Variants in ARHGAP15 observed in about 807,000 individuals in gnomAD.
ARHGAP15 encodes the protein rho GTPase-activating protein 15.
A neutral mutation model predicts 63.7 loss-of-function variants in ARHGAP15; 51 were observed. That is an observed-to-expected ratio of 0.80 (90% CI 0.64 to 1.01). The LOEUF is 1.01. Among genes scored for constraint, ARHGAP15 ranks in the 50% least tolerant of loss-of-function variants. The pLI is 0.00. For synonymous variants in ARHGAP15, 191 were observed against 193.8 expected, an observed-to-expected ratio of 0.99 and a Z score of 0.12; for missense variants, 560 against 564.6, an observed-to-expected ratio of 0.99 and a Z score of 0.08.
intron 3 of ARHGAP15, among the ~76,000 whole-genome samples, chr2:143,210,950 T>C (rs549326009): frequency 5.9e-5 from 9 of 151,428 alleles, no homozygotes; most frequent in African/African-American, 1.9e-4. Flanking sequence ...AACATCATAC[T>C]GAATCTATGT....
At chr2:143,293,727 C>T (rs1007359585) in intron 6 of ARHGAP15, among the ~76,000 whole-genome samples, 15 of 151,790 alleles carry the variant, frequency 9.9e-5, no homozygotes, top group Non-Finnish European at 7.4e-5. Flanking sequence ...AGGAAGGAAA[C>T]GGAAAGTAAT....
At chr2:143,736,685 A>T (rs796220556) in intron 13 of ARHGAP15, among the ~76,000 whole-genome samples, 1 of 152,240 alleles carries the variant, frequency 6.6e-6, no homozygotes, top group South Asian at 2.1e-4. Context: ...AAAAATTAAC[A>T]GTTACTACTC....
chr2:143,764,612 C>T (rs141197313), intron 13 of ARHGAP15, among the ~76,000 whole-genome samples: 78 of 152,254 alleles, frequency 5.1e-4, no homozygotes, highest in African/African-American at 1.9e-3. Context: ...TCCACCCACC[C>T]AAGCTCCTCC....
rs1012967749 is a variant in ARHGAP15, at chr2:143,463,901, G to C, written c.704-23472G>C. On this transcript the variant is annotated intron_variant, in intron 8 of 13. Transcript: ENST00000295095. ...CATTACAGGCACATTCACTTGCCCA[G>C]TGTCACACAGCTGTCAAGTGGCTGG... is the stretch of plus-strand genomic sequence containing the variant. Among the ~76,000 whole-genome samples, 3 of 152,128 alleles carry C rather than the reference G, an allele frequency of 2.0e-5. No individual in the cohort carries two copies. In the South Asian group the frequency reaches 6.2e-4, roughly 32 times the overall value.
intron 5 of ARHGAP15, among the ~76,000 whole-genome samples, chr2:143,249,990 G>T (rs1045000849): frequency 1.3e-5 from 2 of 152,056 alleles, no homozygotes; most frequent in African/African-American, 4.8e-5. Flanking sequence ...GGGAATTGGA[G>T]ATTAATCCAC....
chr2:143,345,104 G>A (rs1685213636), intron 6 of ARHGAP15, among the ~76,000 whole-genome samples: 1 of 152,060 alleles, frequency 6.6e-6, no homozygotes, highest in Admixed American at 6.6e-5. Flanking sequence ...TATACTGTTA[G>A]CATTTTAAAG....
intron 5 of ARHGAP15, among the ~76,000 whole-genome samples, chr2:143,231,929 C>A (rs1371944126): frequency 6.6e-6 from 1 of 152,186 alleles, no homozygotes; most frequent in African/African-American, 2.4e-5. Context: ...CATGAGGGCT[C>A]CACCTTTATG....
chr2:143,422,180 A>G (rs1688952410), intron 6 of ARHGAP15, among the ~76,000 whole-genome samples: 1 of 152,162 alleles, frequency 6.6e-6, no homozygotes, highest in Non-Finnish European at 1.5e-5. Context: ...CCTCAAGGGT[A>G]GCAGATTACA....
At chr2:143,156,480 G>T (rs1690084857) in intron 2 of ARHGAP15, among the ~76,000 whole-genome samples, 1 of 151,878 alleles carries the variant, frequency 6.6e-6, no homozygotes, top group African/African-American at 2.4e-5. Flanking sequence ...CTGAGTTCCA[G>T]TCACCCTGCA....
At chr2:143,253,571 GA>G (rs1680269198) in intron 6 of ARHGAP15, among the ~76,000 whole-genome samples, 1 of 151,956 alleles carries the variant, frequency 6.6e-6, no homozygotes, top group Non-Finnish European at 1.5e-5. Context: ...CAGTAAATCA[GA>G]ATGATACTTG....
At chr2:143,541,423 G>A (rs1695047181) in intron 10 of ARHGAP15, among the ~76,000 whole-genome samples, 1 of 152,334 alleles carries the variant, frequency 6.6e-6, no homozygotes, top group Middle Eastern at 3.4e-3. Flanking sequence ...CTGGTGAGGA[G>A]CTGCGTTCCT....
At chr2:143,552,529 T>C (rs1237613670) in intron 10 of ARHGAP15, among the ~76,000 whole-genome samples, 1 of 148,552 alleles carries the variant, frequency 6.7e-6, no homozygotes, top group Non-Finnish European at 1.5e-5. Flanking sequence ...TGTGTGTCTA[T>C]CCCAGTCTAA....
At chr2:143,716,347 T>C (rs939606407) in intron 13 of ARHGAP15, among the ~76,000 whole-genome samples, 5 of 152,166 alleles carry the variant, frequency 3.3e-5, no homozygotes, top group African/African-American at 1.2e-4. Context: ...CTGCAGTACA[T>C]AGTAAAATTG....
At chr2:143,579,244 T>G (rs1696796729) in intron 11 of ARHGAP15, among the ~76,000 whole-genome samples, 1 of 152,196 alleles carries the variant, frequency 6.6e-6, no homozygotes, top group Admixed American at 6.5e-5. Flanking sequence ...TCTAAGTACA[T>G]CGACTTCTCA....
At chr2:143,732,201 T>C (rs938108323) in intron 13 of ARHGAP15, among the ~76,000 whole-genome samples, 5 of 152,170 alleles carry the variant, frequency 3.3e-5, no homozygotes, top group Non-Finnish European at 7.3e-5. Flanking sequence ...AGAAATGTTC[T>C]CACAAGTTAA....
intron 12 of ARHGAP15, among the ~76,000 whole-genome samples, chr2:143,679,207 G>C (rs1164981519): frequency 6.6e-6 from 1 of 152,030 alleles, no homozygotes; most frequent in East Asian, 1.9e-4. Context: ...CTCTTAAGTG[G>C]GTTTGTGCAT....
intron 6 of ARHGAP15, among the ~76,000 whole-genome samples, chr2:143,298,106 T>G (rs1025256887): frequency 2.0e-5 from 3 of 151,982 alleles, no homozygotes; most frequent in African/African-American, 7.2e-5. Flanking sequence ...TGGCATCTAT[T>G]TATCTATCAA....
chr2:143,249,100 G>A (rs930484456), intron 5 of ARHGAP15, among the ~76,000 whole-genome samples: 2 of 152,068 alleles, frequency 1.3e-5, no homozygotes, highest in Non-Finnish European at 2.9e-5. Flanking sequence ...GGGTGGCAGA[G>A]CGTGGGTGAA....
At chr2:143,155,340 T>G in intron 1 of ARHGAP15, 137 bp from the exon 2 acceptor site, 1 of 771,426 alleles carries the variant, frequency 1.3e-6, no homozygotes, top group Non-Finnish European at 1.9e-6. Flanking sequence ...AACTACTTTT[T>G]TCTTCACTAG....
Sources: gnomAD v4.1 joint callset for allele counts (sites outside exome capture counted in the v4.1 genomes callset) on GRCh38, gnomAD v4.1.1 for gene constraint, MANE v1.5 for transcripts, NCBI Gene and HGNC (gene_info 2026-07-23, HGNC 2026-07-21) for gene names.